The following NPSR1 variants were observed in gnomAD, a reference collection of about 807,000 sequenced individuals.
NPSR1 encodes neuropeptide S receptor 1.
NPSR1 carries 48 observed loss-of-function variants against 46.9 expected under a neutral mutation model. That is an observed-to-expected ratio of 1.02 (90% CI 0.81 to 1.30). The LOEUF (loss-of-function observed/expected upper bound fraction) is 1.30, where lower values mean the gene tolerates loss of function less well. NPSR1 is among the 50% of genes most tolerant of loss of function. NPSR1 has a pLI of 0.00. For synonymous variants in NPSR1, 176 were observed against 168.1 expected (o/e 1.05, Z -0.36); for missense variants, 450 against 449.5 (o/e 1.00, Z -0.01).
chr7:34,796,444 G>T lies in NPSR1; in HGVS notation c.385-15326G>T, dbSNP rs568055275. Among the ~76,000 whole-genome samples, 4 of 152,248 alleles carry T rather than the reference G, an allele frequency of 2.6e-5. No individual in the cohort carries two copies. In the East Asian group the frequency reaches 7.7e-4, roughly 29 times the overall value. On this transcript the variant is annotated intron_variant, in intron 3 of 8. Transcript: ENST00000360581. ...CAAAAGGCATACCTGATAAAAGATT[G>T]TTATTCAAAATATGCAGAAGAGCTC...
At chr7:34,670,522 C>A (rs530758827) in intron 1 of NPSR1, among the ~76,000 whole-genome samples, 3 of 150,692 alleles carry the variant, frequency 2.0e-5, no homozygotes, top group African/African-American at 7.3e-5. Context: ...ATTATTCAAG[C>A]CTAAAAACAA....
At chr7:34,792,701 G>GTATATATATATATTTATATATA (rs1787973262) in intron 3 of NPSR1, among the ~76,000 whole-genome samples, 1 of 72,216 alleles carries the variant, frequency 1.4e-5, no homozygotes, top group African/African-American at 4.6e-5. Context: ...ATATATATAC[G>GTATATATATATATTTATATATA]TATATATATA....
chr7:34,722,610 C>T (rs1186470961), intron 2 of NPSR1, among the ~76,000 whole-genome samples: 2 of 152,028 alleles, frequency 1.3e-5, no homozygotes, highest in Non-Finnish European at 2.9e-5. Context: ...ATTGCAGGGG[C>T]CAGTATGAAA....
chr7:34,826,501 C>T (rs117937133), intron 4 of NPSR1, among the ~76,000 whole-genome samples: 1,729 of 152,238 alleles, frequency 0.011, 80 homozygotes, highest in Admixed American at 0.077. Context: ...AAGGTGGCCT[C>T]TTATTTCTGG....
intron 8 of NPSR1, among the ~76,000 whole-genome samples, chr7:34,856,488 G>A (rs1219316841): frequency 6.6e-6 from 1 of 151,740 alleles, no homozygotes; most frequent in Non-Finnish European, 1.5e-5. Flanking sequence ...TGCACACGGG[G>A]AAAATCGGAG....
At chr7:34,732,385 A>T (rs1375398200) in intron 2 of NPSR1, among the ~76,000 whole-genome samples, 1 of 152,220 alleles carries the variant, frequency 6.6e-6, no homozygotes, top group Non-Finnish European at 1.5e-5. Context: ...ATATATCAGT[A>T]GATAAAGCAA....
intron 3 of NPSR1, among the ~76,000 whole-genome samples, chr7:34,809,841 T>C (rs962522424): frequency 1.3e-5 from 2 of 152,180 alleles, no homozygotes; most frequent in African/African-American, 4.8e-5. Flanking sequence ...TATCTGTGTG[T>C]TCTCATCAGT....
intron 3 of NPSR1, among the ~76,000 whole-genome samples, chr7:34,785,855 C>A (rs1282781218): frequency 2.6e-5 from 4 of 151,992 alleles, no homozygotes; most frequent in African/African-American, 9.7e-5. Context: ...AAAAAGTATA[C>A]ATGTTAATTT....
chr7:34,867,205 G>C (rs1049110248), intron 8 of NPSR1, among the ~76,000 whole-genome samples: 1 of 151,830 alleles, frequency 6.6e-6, no homozygotes, highest in Non-Finnish European at 1.5e-5. Flanking sequence ...GAGCCAAAAG[G>C]CTTTGTGGAC....
chr7:34,743,717 C>T (rs1785067386), intron 2 of NPSR1, among the ~76,000 whole-genome samples: 1 of 152,134 alleles, frequency 6.6e-6, no homozygotes, highest in Non-Finnish European at 1.5e-5. Context: ...ATTTTCATTA[C>T]TATCTCATTA....
Position 34,843,388 on chromosome 7 carries a change from A to C in NPSR1, c.758-1508A>C, listed in dbSNP as rs191407743. 9.2e-4 allele frequency among the ~76,000 whole-genome samples: 140 copies of C among 152,322 alleles called. 1 individual carries two copies. Among genetic ancestry groups the C allele is most frequent in the African/African-American group, 3.2e-3 (134 of 41,574 alleles). ...TCCATTCCATCAGAAGCCCACTTCC[A>C]CAATAACACAATAATAGCAATAATC... On this transcript the variant is annotated intron_variant, in intron 6 of 8. Coordinates refer to ENST00000360581, the MANE Select transcript of NPSR1 (RefSeq NM_207172.2).
chr7:34,823,418 A>AAAAAAAAAAAAAAAAAG, intron 4 of NPSR1, among the ~76,000 whole-genome samples: 1 of 120,948 alleles, frequency 8.3e-6, no homozygotes, highest in Non-Finnish European at 1.7e-5. Flanking sequence ...AAAAAAAAAC[A>AAAAAAAAAAAAAAAAAG]ACACCATAAA....
At chr7:34,830,194 C>T (rs1584112567) in intron 5 of NPSR1, among the ~76,000 whole-genome samples, 1 of 152,192 alleles carries the variant, frequency 6.6e-6, no homozygotes, top group South Asian at 2.1e-4. Context: ...GTCTTTATTA[C>T]CTATATTCTG....
At chr7:34,852,494 A>G (rs2128766220), downstream of NPSR1, among the ~76,000 whole-genome samples, 1 of 152,202 alleles carries the variant, frequency 6.6e-6, no homozygotes, top group Non-Finnish European at 1.5e-5. Context: ...CCTCCCAGAC[A>G]CAGGGAGGAA....
intron 6 of NPSR1, among the ~76,000 whole-genome samples, chr7:34,843,930 T>G (rs1790658177): frequency 6.6e-6 from 1 of 152,014 alleles, no homozygotes; most frequent in Non-Finnish European, 1.5e-5. Context: ...TGGCTGAGAG[T>G]TGTGTGGGGC....
Position 34,784,915 on chromosome 7 carries a change from A to C in NPSR1, c.384+6350A>C, listed in dbSNP as rs1787391519. Among the ~76,000 whole-genome samples the C allele has an allele frequency of 2.0e-5, 3 of 152,190 alleles. No individual in the cohort carries two copies. The South Asian group carries it at 6.2e-4, about 32-fold the overall frequency. On this transcript the variant is annotated intron_variant, in intron 3 of 8. Coordinates refer to ENST00000360581, the MANE Select transcript of NPSR1 (RefSeq NM_207172.2). ...GGAGAGGATGTGGAGAAATAGGAAC[A>C]CTTTTACACTGTTGGCAGAACTGTA...
intron 3 of NPSR1, among the ~76,000 whole-genome samples, chr7:34,803,959 T>C (rs1788561648): frequency 6.6e-6 from 1 of 151,944 alleles, no homozygotes. Context: ...GTGAAATAGA[T>C]AATTTGAATA....
At chr7:34,680,025 A>T (rs1462057872) in intron 1 of NPSR1, among the ~76,000 whole-genome samples, 1 of 152,154 alleles carries the variant, frequency 6.6e-6, no homozygotes, top group East Asian at 1.9e-4. Context: ...ATTGCATAGC[A>T]AATATTTACA....
In NPSR1 at chr7:34,790,745, TA is replaced by T. The variant is rs1562729346; in HGVS notation, c.384+12182del. Among the ~76,000 whole-genome samples the T allele has an allele frequency of 1.6e-3, 154 of 96,308 alleles. 1 individual carries two copies. The highest frequency in any genetic ancestry group is 5.4e-3 in the African/African-American group (132 of 24,612). The allele number at this position is 96,308 out of a possible 152,430, so 63.2% of individuals were successfully genotyped here. ...TATGTTATATGTTATATGTTATATA[TA>T]ATATATGTTATATGTTATATATAAT... On this transcript the variant is annotated intron_variant, in intron 3 of 8. Transcript: ENST00000360581.
Sources: gnomAD v4.1 joint callset for allele counts (sites outside exome capture counted in the v4.1 genomes callset) on GRCh38, gnomAD v4.1.1 for gene constraint, MANE v1.5 for transcripts, NCBI Gene and HGNC (gene_info 2026-07-23, HGNC 2026-07-21) for gene names.